Variants in CPED1 observed in about 807,000 individuals in gnomAD.
The protein encoded by CPED1 is cadherin-like and PC-esterase domain-containing protein 1.
Under a neutral mutation model 128.2 loss-of-function variants are expected in CPED1, and 114 were observed. The ratio of observed to expected loss-of-function variants is 0.89; its 90% CI spans 0.76 to 1.04. The LOEUF is 1.04. Among genes scored for constraint, CPED1 ranks in the 50% least tolerant of loss-of-function variants. The pLI, the probability that CPED1 is intolerant of heterozygous loss-of-function variation, is 0.00. For synonymous variants in CPED1, 462 were observed against 426.7 expected, an observed-to-expected ratio of 1.08 and a Z score of -1.02; for missense variants, 1,211 against 1,207.1, an observed-to-expected ratio of 1.00 and a Z score of -0.05.
chr7:121,022,016 C>T (rs1349325280), intron 3 of CPED1, among the ~76,000 whole-genome samples: 1 of 151,806 alleles, frequency 6.6e-6, no homozygotes, highest in Non-Finnish European at 1.5e-5. Context: ...GAAATTCTGA[C>T]ATACTCTCCT....
intron 22 of CPED1, among the ~76,000 whole-genome samples, chr7:121,281,713 CTA>C (rs1792468524): frequency 1.3e-5 from 2 of 152,126 alleles, no homozygotes; most frequent in Admixed American, 1.3e-4. Flanking sequence ...TCCTAAATTT[CTA>C]TAGTCAGTAT....
chr7:120,989,805 A>C lies in CPED1; in HGVS notation c.184A>C (p.Lys62Gln). The C allele has an allele frequency of 1.2e-6, 2 of 1,614,092 alleles. No individual in the cohort carries two copies. The highest frequency in any genetic ancestry group is 1.7e-6 in the Non-Finnish European group (2 of 1,180,034). The change falls in exon 2 of 23, where the codon AAG (lysine) becomes CAG (glutamine). Residue 62 changes from lysine to glutamine, a missense_variant. Coordinates refer to ENST00000310396, the MANE Select transcript of CPED1 (RefSeq NM_024913.5). ...CACTGAAACCCAGGCAAGCAGATGC[A>C]AGAAAGGATTCTCTCAGGACAAACA... Reference protein sequence around the residue: ...TSTETQASRCKKGFSQDKQCF... With the variant: ...TSTETQASRCQKGFSQDKQCF...
intron 4 of CPED1, chr7:121,051,308 C>A (rs188001140): frequency 1.1e-4 from 49 of 460,450 alleles, no homozygotes; most frequent in Admixed American, 8.9e-4. Flanking sequence ...TTTTTAGTAG[C>A]TCTAGAAACA....
chr7:121,180,442 T>A (rs1227632723), intron 16 of CPED1, among the ~76,000 whole-genome samples: 3 of 152,100 alleles, frequency 2.0e-5, no homozygotes, highest in Non-Finnish European at 4.4e-5. Context: ...GCTCTTAGTT[T>A]TTCTGCATTA....
At chr7:121,201,280 A>T (rs543685832) in intron 16 of CPED1, among the ~76,000 whole-genome samples, 13 of 152,176 alleles carry the variant, frequency 8.5e-5, no homozygotes, top group Non-Finnish European at 1.5e-4. Context: ...AAAAATACAA[A>T]AACTAGCCTG....
chr7:120,998,614 G>A (rs1188975117), intron 2 of CPED1, among the ~76,000 whole-genome samples: 2 of 152,118 alleles, frequency 1.3e-5, no homozygotes, highest in African/African-American at 4.8e-5. Flanking sequence ...AATAATTGCT[G>A]CAATCAACAT....
intron 16 of CPED1, among the ~76,000 whole-genome samples, chr7:121,142,970 A>G (rs1795941581): frequency 6.6e-6 from 1 of 151,980 alleles, no homozygotes; most frequent in Admixed American, 6.6e-5. Flanking sequence ...CTGGGCCTTG[A>G]TAGGTAGCAT....
chr7:121,017,995 G>C (rs1356660739), intron 3 of CPED1, among the ~76,000 whole-genome samples: 1 of 152,044 alleles, frequency 6.6e-6, no homozygotes, highest in Non-Finnish European at 1.5e-5. Context: ...TTCTTTTACT[G>C]TGTATAATAA....
At chr7:121,072,598 T>G (rs544645982) in intron 5 of CPED1, among the ~76,000 whole-genome samples, 1 of 152,204 alleles carries the variant, frequency 6.6e-6, no homozygotes, top group Admixed American at 6.6e-5. Context: ...TGAGATGTGG[T>G]TTATAAAAGA....
intron 16 of CPED1, among the ~76,000 whole-genome samples, chr7:121,149,934 ATCTT>A (rs928983462): frequency 3.3e-5 from 5 of 152,084 alleles, no homozygotes; most frequent in African/African-American, 9.7e-5. Flanking sequence ...TCTTTTATCT[ATCTT>A]TCTTCACTTC....
At chr7:121,282,930 T>C (rs78680427) in intron 22 of CPED1, among the ~76,000 whole-genome samples, 5,407 of 152,286 alleles carry the variant, frequency 0.036, 208 homozygotes, top group South Asian at 0.13. Context: ...GATTGAAAGA[T>C]GGATATTACA....
Position 121,064,119 on chromosome 7 carries a change from G to A in CPED1, c.541-119G>A. On this transcript the variant is annotated intron_variant, in intron 4 of 22. Transcript: ENST00000310396. Reference sequence around the variant, plus strand: ...TTGACTTGCAGAGATTTGAAGGTGGGGTGTGGGTGGTTTAGACAGTGCATC... The same window carrying A: ...TTGACTTGCAGAGATTTGAAGGTGGAGTGTGGGTGGTTTAGACAGTGCATC... 2 of 643,886 alleles carry A rather than the reference G, an allele frequency of 3.1e-6. 1 individual carries two copies. The highest frequency in any genetic ancestry group is 3.9e-5 in the South Asian group (2 of 51,628). The allele number at this position is 643,886 out of a possible 1,614,324, so 39.9% of individuals were successfully genotyped here. A position where few individuals can be genotyped will look rare whatever the true frequency, so the allele number is the denominator to read the frequency against.
chr7:121,232,292 C>T (rs1002944596), intron 16 of CPED1, among the ~76,000 whole-genome samples: 1 of 151,958 alleles, frequency 6.6e-6, no homozygotes, highest in Non-Finnish European at 1.5e-5. Flanking sequence ...TTGCGTGAAG[C>T]CTTTGAGATT....
At chr7:121,111,545 G>C (rs944986172) in intron 7 of CPED1, among the ~76,000 whole-genome samples, 3 of 152,164 alleles carry the variant, frequency 2.0e-5, no homozygotes, top group African/African-American at 7.2e-5. Context: ...CTAGTGTGAT[G>C]TATTCAGATA....
At position 121,166,716 on chromosome 7, in the gene CPED1, CT is replaced by C. The variant is rs532781981; in HGVS notation, c.2055+24579del. Among the ~76,000 whole-genome samples the C allele has an allele frequency of 3.0e-3, 454 of 152,052 alleles. 2 individuals are homozygous for C. The highest frequency in any genetic ancestry group is 0.01 in the African/African-American group (434 of 41,452). On this transcript the variant is annotated intron_variant, in intron 16 of 22. Transcript: ENST00000310396. ...TGGAGTAATGCTGTTTTTCTCATTC[CT>C]TTTAAAGTTAAGAATCATGTAGCAT...
chr7:120,989,458 G>A lies in CPED1; in HGVS notation c.-164G>A. On this transcript the variant is annotated 5_prime_UTR_variant, in exon 2 of 23. The change abolishes an upstream ATG in the 5' untranslated region. Coordinates refer to ENST00000310396, the MANE Select transcript of CPED1 (RefSeq NM_024913.5). ...AAAGCCTCAGACTTTCGGGACCTAT[G>A]ATTCTTTGGCACAACCTTTTGGAAA... The A allele has an allele frequency of 1.2e-6, 1 of 819,606 alleles. No individual in the cohort carries two copies. Among genetic ancestry groups the A allele is most frequent in the South Asian group, 1.8e-5 (1 of 55,762 alleles). The allele number at this position is 819,606 out of a possible 1,614,324, so 50.8% of individuals were successfully genotyped here.
intron 16 of CPED1, among the ~76,000 whole-genome samples, chr7:121,197,757 A>T (rs1251726639): frequency 6.6e-6 from 1 of 152,104 alleles, no homozygotes; most frequent in Non-Finnish European, 1.5e-5. Flanking sequence ...CGTGGAACTG[A>T]CTTGAACCAT....
chr7:120,989,147 T>G, intron 1 of CPED1: 1 of 161,728 alleles, frequency 6.2e-6, no homozygotes, highest in Non-Finnish European at 1.3e-5. Flanking sequence ...TGGCCTGAGT[T>G]CAGCTGTGCA....
intron 5 of CPED1, among the ~76,000 whole-genome samples, chr7:121,071,350 C>T (rs1457117875): frequency 6.6e-6 from 1 of 152,132 alleles, no homozygotes; most frequent in Non-Finnish European, 1.5e-5. Flanking sequence ...TCCTTTCCCT[C>T]AGCACATTCC....
Sources: allele counts gnomAD v4.1 joint callset (sites outside exome capture counted in the v4.1 genomes callset), GRCh38; gene constraint gnomAD v4.1.1; transcripts MANE v1.5; gene names NCBI Gene and HGNC (gene_info 2026-07-23, HGNC 2026-07-21).